DNAJC6: variants seen among roughly 807,000 people sequenced by gnomAD.
The protein encoded by DNAJC6 is DnaJ heat shock protein family (Hsp40) member C6, also known as auxilin.
A neutral mutation model predicts 110.0 loss-of-function variants in DNAJC6; 34 were observed. That is an observed-to-expected ratio of 0.31 (90% CI 0.24 to 0.41). The LOEUF is 0.41. Among genes scored for constraint, DNAJC6 ranks in the 10% least tolerant of loss-of-function variants. DNAJC6 has a pLI of 1.00. For missense variants in DNAJC6, 1,031 were observed against 1,207.8 expected, an observed-to-expected ratio of 0.85 and a Z score of 2.17; for synonymous variants, 406 against 437.2, an observed-to-expected ratio of 0.93 and a Z score of 0.89.
At chr1:65,279,568 T>G (rs1314376673) in intron 1 of DNAJC6, 1 of 152,168 alleles carries the variant, frequency 6.6e-6, no homozygotes, top group Non-Finnish European at 1.5e-5. Context: ...ACATCTAATA[T>G]ATATACACAT....
upstream of DNAJC6, chr1:65,309,524 T>C (rs1443323776): frequency 3.9e-5 from 32 of 815,750 alleles, no homozygotes; most frequent in South Asian, 3.5e-4. Flanking sequence ...CTTCCCTCCC[T>C]CCCTCCTCCC....
At position 65,337,184 on chromosome 1, in the gene DNAJC6, T is replaced by A. The variant is rs149412695; in HGVS notation, c.193+27246T>A. Among the ~76,000 whole-genome samples, 393 of 149,750 alleles carry A rather than the reference T, an allele frequency of 2.6e-3. 3 individuals are homozygous for A. Among genetic ancestry groups the A allele is most frequent in the African/African-American group, 9.5e-3 (384 of 40,586 alleles). ...CAGATTAGCTTTTTGCAAGACTATC[T>A]CGTAGGTCGTGTTTTGTATTTCCAT... On this transcript the variant is annotated intron_variant, in intron 1 of 18. Coordinates refer to ENST00000371069, the MANE Select transcript of DNAJC6 (RefSeq NM_001256864.2).
At chr1:65,334,298 A>G (rs1339603707) in intron 1 of DNAJC6, among the ~76,000 whole-genome samples, 1 of 152,244 alleles carries the variant, frequency 6.6e-6, no homozygotes, top group Admixed American at 6.5e-5. Flanking sequence ...GGCTTTCTTG[A>G]GATAAAGCAC....
upstream of DNAJC6, among the ~76,000 whole-genome samples, chr1:65,306,178 G>A (rs1233233164): frequency 1.3e-5 from 2 of 150,870 alleles, no homozygotes; most frequent in African/African-American, 4.9e-5. Context: ...CTCCTGAGTA[G>A]CTGGGACTAC....
intron 1 of DNAJC6, among the ~76,000 whole-genome samples, chr1:65,357,066 G>A (rs751215026): frequency 5.9e-5 from 9 of 152,148 alleles, no homozygotes; most frequent in African/African-American, 1.4e-4. Flanking sequence ...ATAATGACAC[G>A]AGTTCCTTCC....
chr1:65,368,524 C>T (rs1286667111), intron 4 of DNAJC6, among the ~76,000 whole-genome samples: 8 of 151,206 alleles, frequency 5.3e-5, no homozygotes, highest in Admixed American at 2.0e-4. Context: ...TTTCTCCTTC[C>T]GTTTTCCTTC....
chr1:65,358,501 T>C (rs1645568644), intron 1 of DNAJC6, among the ~76,000 whole-genome samples: 1 of 152,200 alleles, frequency 6.6e-6, no homozygotes, highest in Non-Finnish European at 1.5e-5. Flanking sequence ...TGTTACTACA[T>C]ATAAAGAATT....
chr1:65,396,167 C>A (rs530220130), intron 13 of DNAJC6, among the ~76,000 whole-genome samples: 1 of 152,248 alleles, frequency 6.6e-6, no homozygotes, highest in South Asian at 2.1e-4. Flanking sequence ...ATTTGAAGTG[C>A]ATCCTCAGGA....
chr1:65,407,582 A>T (rs1258045106), intron 16 of DNAJC6, among the ~76,000 whole-genome samples: 1 of 152,218 alleles, frequency 6.6e-6, no homozygotes, highest in Non-Finnish European at 1.5e-5. Context: ...TGTCGGGGAT[A>T]TGTAACATCA....
At chr1:65,265,320 A>G (rs1454458192) in intron 1 of DNAJC6, among the ~76,000 whole-genome samples, 1 of 152,228 alleles carries the variant, frequency 6.6e-6, no homozygotes, top group South Asian at 2.1e-4. Context: ...GAATTGGAAT[A>G]TCTGAAATAA....
chr1:65,395,602 A>G (rs888518890), intron 13 of DNAJC6, among the ~76,000 whole-genome samples: 2 of 152,156 alleles, frequency 1.3e-5, no homozygotes, highest in African/African-American at 4.8e-5. Context: ...TTAGTACAAA[A>G]AGGGCATGTG....
chr1:65,312,890 C>T (rs1645114191), intron 1 of DNAJC6, among the ~76,000 whole-genome samples: 1 of 152,150 alleles, frequency 6.6e-6, no homozygotes, highest in South Asian at 2.1e-4. Flanking sequence ...ACCTCCACCT[C>T]CCGGGTTCAG....
At chr1:65,344,593 C>G (rs1035963322) in intron 1 of DNAJC6, among the ~76,000 whole-genome samples, 50 of 152,154 alleles carry the variant, frequency 3.3e-4, no homozygotes, top group Non-Finnish European at 1.3e-4. Flanking sequence ...TTTAATCCAG[C>G]TAGCAGTGCT....
chr1:65,378,857 A>G (rs962972522), intron 4 of DNAJC6, among the ~76,000 whole-genome samples: 6 of 152,244 alleles, frequency 3.9e-5, no homozygotes, highest in Admixed American at 3.3e-4. Flanking sequence ...TTGATGATCC[A>G]TAATGTGTGA....
chr1:65,376,989 T>C (rs1034687408), intron 4 of DNAJC6, among the ~76,000 whole-genome samples: 1 of 152,164 alleles, frequency 6.6e-6, no homozygotes, highest in African/African-American at 2.4e-5. Context: ...GGTCTTGAAC[T>C]CCTGACCTCG....
At chr1:65,412,555 G>A (rs935891543) in intron 18 of DNAJC6, among the ~76,000 whole-genome samples, 2 of 152,200 alleles carry the variant, frequency 1.3e-5, no homozygotes, top group Admixed American at 1.3e-4. Context: ...TCCCCATTAT[G>A]ACTCTCAAAG....
chr1:65,306,403 A>C (rs1282650391), upstream of DNAJC6: 1 of 152,172 alleles, frequency 6.6e-6, no homozygotes, highest in Non-Finnish European at 1.5e-5. Context: ...ATCACAGATC[A>C]AAATCCTACA....
chr1:65,269,976 T>C (rs1653453784), intron 1 of DNAJC6, among the ~76,000 whole-genome samples: 1 of 152,232 alleles, frequency 6.6e-6, no homozygotes, highest in African/African-American at 2.4e-5. Context: ...TAAAACCTTC[T>C]ATACTTTTCT....
In DNAJC6 at chr1:65,385,715, C is replaced by T. The variant is rs777830322; in HGVS notation, c.804C>T (p.Tyr268=). 8 of 1,595,536 alleles carry T rather than the reference C, an allele frequency of 5.0e-6. No individual in the cohort carries two copies. The African/African-American group carries it at 8.0e-5, about 16-fold the overall frequency. The change falls in exon 7 of 19, where the codon TAC becomes TAT. Residue 268 remains tyrosine (Y), a synonymous_variant. Transcript: ENST00000371069. ...GAGTGCCAACCTTCTGTTTCAGATA[C>T]CTGGGCTATATGTGTGACCTACTGG... ...GIGLSPSHRR[Y]LGYMCDLLAD...
Sources: allele counts gnomAD v4.1 joint callset (sites outside exome capture counted in the v4.1 genomes callset), GRCh38; gene constraint gnomAD v4.1.1; transcripts MANE v1.5; gene names NCBI Gene and HGNC (gene_info 2026-07-23, HGNC 2026-07-21).